SLC14A2: variants seen among roughly 807,000 people sequenced by gnomAD.
SLC14A2 encodes the protein solute carrier family 14 member 2.
Under a neutral mutation model 104.6 loss-of-function variants are expected in SLC14A2, and 91 were observed. That is an observed-to-expected ratio of 0.87 (90% CI 0.73 to 1.04). SLC14A2 has a LOEUF of 1.04. Ranked by LOEUF, SLC14A2 falls within the 50% of genes least tolerant of loss-of-function variation. SLC14A2 has a pLI of 0.00. For missense variants in SLC14A2, 1,189 were observed against 1,156.0 expected, an observed-to-expected ratio of 1.03 and a Z score of -0.41; for synonymous variants, 476 against 466.4, an observed-to-expected ratio of 1.02 and a Z score of -0.27.
chr18:45,588,215 C>T (rs1477252500), intron 2 of SLC14A2, among the ~76,000 whole-genome samples: 2 of 152,088 alleles, frequency 1.3e-5, no homozygotes, highest in Non-Finnish European at 2.9e-5. Context: ...AAGGAACTGG[C>T]TGGGGAAATG....
At chr18:45,383,174 C>T (rs755029124) in intron 1 of SLC14A2, among the ~76,000 whole-genome samples, 5 of 152,160 alleles carry the variant, frequency 3.3e-5, no homozygotes, top group South Asian at 2.1e-4. Flanking sequence ...AATGGGTTAG[C>T]GAGAAAAGCA....
intron 2 of SLC14A2, among the ~76,000 whole-genome samples, chr18:45,587,353 A>G (rs2144376289): frequency 6.6e-6 from 1 of 152,328 alleles, no homozygotes. Flanking sequence ...CCAACACACA[A>G]TCAGTTGCTT....
At chr18:45,523,403 C>T (rs1306673551) in intron 2 of SLC14A2, among the ~76,000 whole-genome samples, 16 of 151,930 alleles carry the variant, frequency 1.1e-4, no homozygotes, top group African/African-American at 3.9e-4. Flanking sequence ...AATCTCGGCT[C>T]ACTGCAACCT....
chr18:45,177,721 T>C, the SLC14A2 span, among the ~76,000 whole-genome samples: 1 of 152,212 alleles, frequency 6.6e-6, no homozygotes. Context: ...GTGGGATTAT[T>C]TGTGGGTCCT....
intron 2 of SLC14A2, among the ~76,000 whole-genome samples, chr18:45,508,196 T>A (rs1459188306): frequency 6.6e-6 from 1 of 152,188 alleles, no homozygotes; most frequent in Non-Finnish European, 1.5e-5. Flanking sequence ...TACAGGCTAG[T>A]CTTCACTTGG....
At chr18:45,576,250 G>C (rs2044416854) in intron 2 of SLC14A2, among the ~76,000 whole-genome samples, 1 of 146,516 alleles carries the variant, frequency 6.8e-6, no homozygotes, top group Non-Finnish European at 1.5e-5. Context: ...GGTGTTTGGA[G>C]AGAAGGTGGC....
At position 45,682,963 on chromosome 18, in the gene SLC14A2, G is replaced by C. The variant is rs779493792; in HGVS notation, c.*444G>C. On this transcript the variant is annotated 3_prime_UTR_variant, in exon 20 of 20. Coordinates refer to ENST00000255226, the MANE Select transcript of SLC14A2 (RefSeq NM_007163.4). ...CAAAAAATTAGCCAGGCATGGTGGC[G>C]GGCACCTGTAGTCCCAGCTACTTGG... 1.1e-5 allele frequency: 2 copies of C among 178,814 alleles called. No individual in the cohort carries two copies. The highest frequency in any genetic ancestry group is 1.1e-4 in the Admixed American group (2 of 18,604). The allele number at this position is 178,814 out of a possible 1,614,324, so 11.1% of individuals were successfully genotyped here.
chr18:45,370,423 T>C (rs1188677738), intron 1 of SLC14A2, among the ~76,000 whole-genome samples: 1 of 152,152 alleles, frequency 6.6e-6, no homozygotes. Flanking sequence ...TGTTTTTCCC[T>C]TAACAGATGC....
chr18:45,326,062 C>T (rs1365558839), intron 1 of SLC14A2, among the ~76,000 whole-genome samples: 1 of 152,222 alleles, frequency 6.6e-6, no homozygotes, highest in African/African-American at 2.4e-5. Context: ...TGCATTCACA[C>T]CCACCCAGGC....
At chr18:45,311,081 G>A (rs193226739) in intron 1 of SLC14A2, among the ~76,000 whole-genome samples, 1 of 152,150 alleles carries the variant, frequency 6.6e-6, no homozygotes, top group South Asian at 2.1e-4. Context: ...CTTCGGGCTT[G>A]GTATCCAGTC....
chr18:45,328,587 G>C (rs1166709532), intron 1 of SLC14A2, among the ~76,000 whole-genome samples: 1 of 152,172 alleles, frequency 6.6e-6, no homozygotes, highest in Non-Finnish European at 1.5e-5. Flanking sequence ...GAAGTTGATA[G>C]AATAACAATA....
chr18:45,554,294 G>C lies in SLC14A2; in HGVS notation c.-34-70337G>C, dbSNP rs562089623. On this transcript the variant is annotated intron_variant, in intron 2 of 20. Transcript: ENST00000586448. The stretch of plus-strand genomic sequence containing the variant: ...TATTTCAAAACTGGAAAGGGAGTTG[G>C]GGGGAAGAAGGGGGAAAGCAACCGA... Among the ~76,000 whole-genome samples the C allele has an allele frequency of 1.1e-4, 16 of 152,284 alleles. No individual in the cohort carries two copies. The South Asian group carries it at 2.9e-3, about 28-fold the overall frequency.
intron 1 of SLC14A2, among the ~76,000 whole-genome samples, chr18:45,323,065 G>A (rs2085200790): frequency 6.6e-6 from 1 of 152,166 alleles, no homozygotes; most frequent in Non-Finnish European, 1.5e-5. Context: ...CTAATGAATA[G>A]TGGTCTTGAG....
At chr18:45,664,021 C>A in intron 11 of SLC14A2, 114 bp downstream of exon 11, 1 of 1,122,586 alleles carries the variant, frequency 8.9e-7, no homozygotes, top group Non-Finnish European at 1.2e-6. Context: ...TGGAGTCAGA[C>A]TTGACCTCTC....
At chr18:45,227,563 A>T (rs2084132025) in intron 1 of SLC14A2, among the ~76,000 whole-genome samples, 1 of 152,200 alleles carries the variant, frequency 6.6e-6, no homozygotes, top group African/African-American at 2.4e-5. Context: ...TAATCCCATT[A>T]ATGAGGGAGG....
chr18:45,441,453 C>A (rs2086681244), intron 1 of SLC14A2, among the ~76,000 whole-genome samples: 1 of 152,190 alleles, frequency 6.6e-6, no homozygotes, highest in African/African-American at 2.4e-5. Context: ...CGCCATGGAT[C>A]TTGGCTTCAG....
At chr18:45,229,254 A>T (rs1599591620) in intron 1 of SLC14A2, among the ~76,000 whole-genome samples, 1 of 152,164 alleles carries the variant, frequency 6.6e-6, no homozygotes, top group Non-Finnish European at 1.5e-5. Context: ...ATACACGCAG[A>T]TTGAAGCCAG....
At chr18:45,396,345 A>G (rs905621552) in intron 1 of SLC14A2, among the ~76,000 whole-genome samples, 6 of 152,314 alleles carry the variant, frequency 3.9e-5, no homozygotes, top group African/African-American at 1.4e-4. Context: ...GCAGAGTCCC[A>G]TGGAACTCTA....
intron 1 of SLC14A2, among the ~76,000 whole-genome samples, chr18:45,239,726 G>C (rs1250713291): frequency 6.6e-6 from 1 of 152,218 alleles, no homozygotes; most frequent in Non-Finnish European, 1.5e-5. Context: ...GAAGGACTGA[G>C]TTTTAATTAG....
Sources: gnomAD v4.1 joint callset for allele counts (sites outside exome capture counted in the v4.1 genomes callset) on GRCh38, gnomAD v4.1.1 for gene constraint, MANE v1.5 for transcripts, NCBI Gene and HGNC (gene_info 2026-07-23, HGNC 2026-07-21) for gene names.